DDAH1: variants seen among roughly 807,000 people sequenced by gnomAD.
DDAH1 encodes dimethylarginine dimethylaminohydrolase 1, also known as N(G),N(G)-dimethylarginine dimethylaminohydrolase 1.
A neutral mutation model predicts 28.8 loss-of-function variants in DDAH1; 19 were observed. The observed-to-expected ratio is 0.66, with a 90% CI of 0.46 to 0.97. The LOEUF is 0.97. DDAH1 is among the 50% of genes least tolerant of loss of function. DDAH1 has a pLI of 0.00. For synonymous variants in DDAH1, 153 were observed against 154.4 expected, an observed-to-expected ratio of 0.99 and a Z score of 0.07; for missense variants, 326 against 375.9, an observed-to-expected ratio of 0.87 and a Z score of 1.10.
chr1:85,507,588 T>C, intron 1 of DDAH1, among the ~76,000 whole-genome samples: 1 of 152,258 alleles, frequency 6.6e-6, no homozygotes, highest in East Asian at 1.9e-4. Context: ...GCAATGTCAT[T>C]ATCATTTCTA....
At chr1:85,371,145 C>T (rs1358296980) in intron 1 of DDAH1, among the ~76,000 whole-genome samples, 1 of 152,146 alleles carries the variant, frequency 6.6e-6, no homozygotes, top group Non-Finnish European at 1.5e-5. Context: ...CCCCCTTTGG[C>T]AGGAAGAGCT....
intron 4 of DDAH1, among the ~76,000 whole-genome samples, chr1:85,340,928 T>G (rs1265752586): frequency 6.6e-6 from 1 of 152,194 alleles, no homozygotes. Context: ...CTACTGACAC[T>G]TCCCCAGGCT....
chr1:85,496,390 A>G (rs1355984509), intron 1 of DDAH1: 1 of 179,952 alleles, frequency 5.6e-6, no homozygotes, highest in Non-Finnish European at 1.1e-5. Context: ...ATTCATGAAA[A>G]TTCACTAAGG....
chr1:85,565,216 A>T (rs963433525), intron 1 of DDAH1, among the ~76,000 whole-genome samples: 1 of 152,134 alleles, frequency 6.6e-6, no homozygotes, highest in African/African-American at 2.4e-5. Context: ...AAAATGCATA[A>T]AGAAGAACAA....
intron 2 of DDAH1, chr1:85,494,783 A>C (rs912510263): frequency 6.6e-6 from 1 of 152,342 alleles, no homozygotes; most frequent in African/African-American, 2.4e-5. Flanking sequence ...ACAAGCACAG[A>C]GGAGGAAGAG....
At chr1:85,368,262 GC>G (rs1460688832) in intron 1 of DDAH1, among the ~76,000 whole-genome samples, 4 of 152,166 alleles carry the variant, frequency 2.6e-5, no homozygotes, top group African/African-American at 9.7e-5. Flanking sequence ...CTGAACCAGT[GC>G]TCAGATCCAA....
At chr1:85,483,705 T>C (rs685176) in intron 2 of DDAH1, among the ~76,000 whole-genome samples, 63,224 of 152,034 alleles carry the variant, frequency 0.42, 14,983 homozygotes, top group Non-Finnish European at 0.55. Flanking sequence ...CTTTTGCTTT[T>C]CAGAGCCCTT....
chr1:85,385,609 T>C lies in DDAH1; in HGVS notation c.304-26762A>G, dbSNP rs1322106573. On this transcript the variant is annotated intron_variant, in intron 1 of 5. Transcript: ENST00000284031. ...CAGTTAGAGCGGCCTGGCAGGAAGA[T>C]GGTATAGGAGAGCAGCTGAGCTCAT... Among the ~76,000 whole-genome samples the C allele has an allele frequency of 2.0e-5, 3 of 152,124 alleles. No individual in the cohort carries two copies. The East Asian group carries it at 5.8e-4, about 29-fold the overall frequency.
chr1:85,423,694 T>A (rs1217833604), intron 1 of DDAH1, among the ~76,000 whole-genome samples: 1 of 152,186 alleles, frequency 6.6e-6, no homozygotes, highest in Non-Finnish European at 1.5e-5. Flanking sequence ...GTTTTCTTTT[T>A]TGTCAGTTCT....
intron 1 of DDAH1, among the ~76,000 whole-genome samples, chr1:85,438,822 G>A (rs1654059042): frequency 6.6e-6 from 1 of 152,192 alleles, no homozygotes; most frequent in South Asian, 2.1e-4. Flanking sequence ...CTGATACCTA[G>A]ATACTTTTGT....
chr1:85,517,899 T>C (rs1657527718), intron 1 of DDAH1, among the ~76,000 whole-genome samples: 1 of 152,194 alleles, frequency 6.6e-6, no homozygotes, highest in African/African-American at 2.4e-5. Flanking sequence ...GCTGCTACAT[T>C]AATTTTTTAA....
At chr1:85,456,991 T>C (rs1654914546) in intron 1 of DDAH1, among the ~76,000 whole-genome samples, 1 of 152,192 alleles carries the variant, frequency 6.6e-6, no homozygotes. Context: ...TCAGGAATCC[T>C]AGAAGGGGTT....
chr1:85,369,572 C>T (rs941283889), intron 1 of DDAH1, among the ~76,000 whole-genome samples: 10 of 152,144 alleles, frequency 6.6e-5, no homozygotes, highest in Admixed American at 1.3e-4. Context: ...AATCACTAAC[C>T]GCCACTCATC....
At chr1:85,534,438 A>C (rs1658198360) in intron 1 of DDAH1, among the ~76,000 whole-genome samples, 1 of 152,160 alleles carries the variant, frequency 6.6e-6, no homozygotes, top group African/African-American at 2.4e-5. Context: ...TGTGTGAAAA[A>C]AAAGTATATA....
intron 1 of DDAH1, among the ~76,000 whole-genome samples, chr1:85,380,723 T>G (rs1650939301): frequency 6.6e-6 from 1 of 152,192 alleles, no homozygotes; most frequent in African/African-American, 2.4e-5. Flanking sequence ...AAAACCTGAT[T>G]TGATATGAAA....
chr1:85,429,408 T>C (rs1570531426), intron 1 of DDAH1, among the ~76,000 whole-genome samples: 1 of 152,244 alleles, frequency 6.6e-6, no homozygotes, highest in East Asian at 1.9e-4. Context: ...CTTTATCCAG[T>C]CTATCATTCA....
intron 1 of DDAH1, among the ~76,000 whole-genome samples, chr1:85,460,944 T>G (rs991727212): frequency 1.3e-5 from 2 of 152,234 alleles, no homozygotes; most frequent in Non-Finnish European, 2.9e-5. Context: ...GTTTACATTA[T>G]TTGACATTTA....
intron 2 of DDAH1, among the ~76,000 whole-genome samples, chr1:85,493,108 T>C (rs1468154661): frequency 3.3e-5 from 5 of 151,964 alleles, no homozygotes; most frequent in South Asian, 4.1e-4. Flanking sequence ...ATATTATATA[T>C]ACTTTCTTTG....
In DDAH1 at chr1:85,351,557, A is replaced by G; in HGVS notation, c.426T>C (p.Leu142=). 6.2e-7 allele frequency: 1 copy of G among 1,614,128 alleles called. No individual in the cohort carries two copies. Among genetic ancestry groups the G allele is most frequent in the Non-Finnish European group, 8.5e-7 (1 of 1,180,004 alleles). Reference sequence around the variant, plus strand: ...CACCTCGTTGATTTGTCCTTTTGGAAAGGCCCACAAAAAATTCTCTGCCTG... The same window carrying G: ...CACCTCGTTGATTTGTCCTTTTGGAGAGGCCCACAAAAAATTCTCTGCCTG... ...LFTGREFFVG[L]SKRTNQRGAE... is the part of the protein sequence containing the mutation. The change falls in exon 3 of 6, where the codon CTT becomes CTC. Residue 142 remains leucine, a synonymous_variant. Transcript: ENST00000284031.
Sources: gnomAD v4.1 joint callset for allele counts (sites outside exome capture counted in the v4.1 genomes callset) on GRCh38, gnomAD v4.1.1 for gene constraint, MANE v1.5 for transcripts, NCBI Gene and HGNC (gene_info 2026-07-23, HGNC 2026-07-21) for gene names.